The following SOS2 variants were observed in gnomAD, a reference collection of about 807,000 sequenced individuals.
SOS2 encodes the protein son of sevenless homolog 2.
Under a neutral mutation model 148.2 loss-of-function variants are expected in SOS2, and 65 were observed. The observed-to-expected ratio is 0.44, with a 90% CI of 0.36 to 0.54. The LOEUF (loss-of-function observed/expected upper bound fraction) is 0.54. Among genes scored for constraint, SOS2 ranks in the 20% least tolerant of loss-of-function variants. The pLI is 0.00. For synonymous variants in SOS2, 539 were observed against 537.1 expected (o/e 1.00, Z -0.05); for missense variants, 1,341 against 1,590.2 (o/e 0.84, Z 2.67).
At chr14:50,119,340 T>C (rs1883419154) in intron 22 of SOS2, among the ~76,000 whole-genome samples, 1 of 152,138 alleles carries the variant, frequency 6.6e-6, no homozygotes, top group African/African-American at 2.4e-5. Context: ...CATCCTAGAC[T>C]ACTGAATCAG....
At position 50,201,067 on chromosome 14, in the gene SOS2, G is replaced by A. The variant is rs1172266595; in HGVS notation, c.231C>T (p.Thr77=). 6.2e-7 allele frequency: 1 copy of A among 1,613,808 alleles called. No individual in the cohort carries two copies. Residue 77 remains threonine (T), a synonymous_variant, in exon 3 of 23, where the codon ACC becomes ACT. Transcript: ENST00000216373. The part of the protein sequence containing the change: ...VQDVEERVQK[T]FPHPIDKWAI... ...CCCATTTATCAATTGGGTGAGGAAA[G>A]GTCTTCTGAACTCGCTCCTGCTCAA...
At chr14:50,198,562 G>A (rs181333302) in intron 4 of SOS2, among the ~76,000 whole-genome samples, 1 of 152,308 alleles carries the variant, frequency 6.6e-6, no homozygotes, top group East Asian at 1.9e-4. Flanking sequence ...ATCTCTGGGG[G>A]TGATATGCAG....
In SOS2 at chr14:50,157,091, G is replaced by C. The variant is rs763672521; in HGVS notation, c.1965C>G (p.Asp655Glu). Residue 655 changes from aspartate (D) to glutamate (E), a missense_variant, in exon 12 of 23, where the codon GAC becomes GAG. Asp to Glu is a conservative substitution (Grantham distance 45). Coordinates refer to ENST00000216373, the MANE Select transcript of SOS2 (RefSeq NM_006939.4). ...CTTTCTCTATTGCCAATTTGTCTGCGTCAGTAGGTTCTGGCTCTGGAATTT... is the reference window on the plus strand; with the variant it reads ...CTTTCTCTATTGCCAATTTGTCTGCCTCAGTAGGTTCTGGCTCTGGAATTT... ...RFEIPEPEPTDADKLAIEKGE... is the reference protein window; with the variant it reads ...RFEIPEPEPTEADKLAIEKGE... 6.2e-7 allele frequency: 1 copy of C among 1,612,146 alleles called. No homozygotes were observed. Among genetic ancestry groups the C allele is most frequent in the Non-Finnish European group, 8.5e-7 (1 of 1,178,746 alleles).
intron 4 of SOS2, among the ~76,000 whole-genome samples, chr14:50,192,724 C>A (rs1312548214): frequency 6.6e-6 from 1 of 151,906 alleles, no homozygotes; most frequent in Non-Finnish European, 1.5e-5. Context: ...ATTAGCCAGG[C>A]GTGGTGGCAA....
chr14:50,200,182 C>T (rs1886443373), intron 3 of SOS2, among the ~76,000 whole-genome samples: 1 of 152,014 alleles, frequency 6.6e-6, no homozygotes, highest in South Asian at 2.1e-4. Flanking sequence ...TATCTGCTAT[C>T]TTCAAGGACT....
At chr14:50,132,648 G>C (rs943420721) in intron 19 of SOS2, among the ~76,000 whole-genome samples, 5 of 152,002 alleles carry the variant, frequency 3.3e-5, no homozygotes, top group African/African-American at 1.2e-4. Flanking sequence ...GTGACAGAGC[G>C]AGACTCTGTC....
At chr14:50,168,419 A>G (rs1320241650) in intron 8 of SOS2, among the ~76,000 whole-genome samples, 1 of 152,036 alleles carries the variant, frequency 6.6e-6, no homozygotes, top group Non-Finnish European at 1.5e-5. Context: ...ATGAGGTCTC[A>G]CTATATTGCC....
chr14:50,187,195 A>G (rs1885940821), intron 5 of SOS2, among the ~76,000 whole-genome samples: 1 of 151,974 alleles, frequency 6.6e-6, no homozygotes, highest in Admixed American at 6.6e-5. Context: ...ATTTTTTTGT[A>G]GAGACTGGGT....
chr14:50,164,738 G>A (rs1262904374), intron 8 of SOS2, among the ~76,000 whole-genome samples: 2 of 152,108 alleles, frequency 1.3e-5, no homozygotes, highest in Non-Finnish European at 2.9e-5. Flanking sequence ...AACAGTCTCT[G>A]ACCTCCTTAT....
intron 1 of SOS2, among the ~76,000 whole-genome samples, chr14:50,215,887 T>C (rs1007170722): frequency 1.3e-5 from 2 of 152,240 alleles, no homozygotes; most frequent in East Asian, 1.9e-4. Flanking sequence ...CACATTTAAA[T>C]TAAAAATCTT....
intron 4 of SOS2, among the ~76,000 whole-genome samples, chr14:50,197,454 GATAT>G (rs1886345946): frequency 6.6e-6 from 1 of 152,084 alleles, no homozygotes; most frequent in South Asian, 2.1e-4. Flanking sequence ...CAATTTCTAT[GATAT>G]TCCTGCTAAA....
intron 2 of SOS2, among the ~76,000 whole-genome samples, chr14:50,202,195 T>A (rs1349693763): frequency 6.6e-6 from 1 of 152,200 alleles, no homozygotes; most frequent in Non-Finnish European, 1.5e-5. Context: ...ATTCCTGGGC[T>A]CAAGTGATTG....
intron 13 of SOS2, among the ~76,000 whole-genome samples, chr14:50,152,766 G>A (rs1218637259): frequency 1.3e-5 from 2 of 152,036 alleles, no homozygotes; most frequent in Non-Finnish European, 2.9e-5. Flanking sequence ...ACACCAGGCT[G>A]GTCTTGTGGT....
Position 50,157,044 on chromosome 14 carries a change from T to C in SOS2, c.2012A>G (p.Asp671Gly). ...ATATTCCTTGCGAAATCTTTTAAGGTCTGCACTGATTGGCTGCTCGCCTTT... is the reference window on the plus strand; with the variant it reads ...ATATTCCTTGCGAAATCTTTTAAGGCCTGCACTGATTGGCTGCTCGCCTTT... ...IEKGEQPISA[D>G]LKRFRKEYVQ... The change falls in exon 12 of 23, where the codon GAC (aspartate) becomes GGC (glycine). Residue 671 changes from aspartate (D) to glycine (G), a missense_variant. Physicochemically the swap from Asp to Gly is moderately conservative, Grantham distance 94. Around this residue, in one of 4 missense-constraint regions of SOS2, gnomAD observed 408 missense variants for 506.6 expected, o/e 0.81. Transcript: ENST00000216373. The C allele has an allele frequency of 1.2e-6, 2 of 1,612,524 alleles. No individual in the cohort carries two copies. The highest frequency in any genetic ancestry group is 1.7e-6 in the Non-Finnish European group (2 of 1,179,118).
Position 50,150,094 on chromosome 14 carries a change from T to C in SOS2, c.2298A>G (p.Pro766=), listed in dbSNP as rs200109076. 1.2e-6 allele frequency: 2 copies of C among 1,613,826 alleles called. No homozygotes were observed. The highest frequency in any genetic ancestry group is 1.6e-4 in the Middle Eastern group (1 of 6,084). ...TGAGATCAAATGTTTCAAACTGTCC[T>C]GGTTTGCTGATATGCCATTCAATTG... ...PPPIEWHISK[P]GQFETFDLMT... is the part of the protein sequence containing the mutation. Residue 766 remains proline, a synonymous_variant, in exon 14 of 23, where the codon CCA becomes CCG. Transcript: ENST00000216373.
rs1443723446 is a variant in SOS2, at chr14:50,204,273, A to G, written c.213+11T>C. The G allele has an allele frequency of 1.3e-6, 2 of 1,550,948 alleles. No homozygotes were observed. Among genetic ancestry groups the G allele is most frequent in the Middle Eastern group, 1.7e-4 (1 of 5,856 alleles). ...TTGAGTGACTTTTTGAAATGACAAA[A>G]TAATTTTTACCTCTACATCTTGAAC... On this transcript the variant is annotated intron_variant, in intron 2 of 22. Coordinates refer to ENST00000216373, the MANE Select transcript of SOS2 (RefSeq NM_006939.4).
At position 50,150,544 on chromosome 14, in the gene SOS2, TTCTC is replaced by T. The variant is rs530620839; in HGVS notation, c.2162-318_2162-315del. Among the ~76,000 whole-genome samples, 117 of 150,270 alleles carry T rather than the reference TTCTC, an allele frequency of 7.8e-4. No homozygotes were observed. The South Asian group carries it at 0.013, about 17-fold the overall frequency. Reference sequence around the variant, plus strand: ...TGAAGTATTTTGTCACTGTTCACATTTCTCTCTCTGATTATTTTCCTTTTTTTTT... The same window carrying T: ...TGAAGTATTTTGTCACTGTTCACATTTCTCTGATTATTTTCCTTTTTTTTT... On this transcript the variant is annotated intron_variant, in intron 13 of 22. Coordinates refer to ENST00000216373, the MANE Select transcript of SOS2 (RefSeq NM_006939.4).
chr14:50,138,788 G>C lies in SOS2; in HGVS notation c.2786-4C>G. Reference sequence around the variant, plus strand: ...AGAATATTTGTTAAATATATTCCTAGTAAAAAAAAAAAAAGAATTTAAAGA... The same window carrying C: ...AGAATATTTGTTAAATATATTCCTACTAAAAAAAAAAAAAGAATTTAAAGA... On this transcript the variant is annotated splice_polypyrimidine_tract_variant and splice_region_variant and intron_variant, in intron 17 of 22. Coordinates refer to ENST00000216373, the MANE Select transcript of SOS2 (RefSeq NM_006939.4). The C allele has an allele frequency of 3.2e-6, 2 of 619,142 alleles. No homozygotes were observed. Among genetic ancestry groups the C allele is most frequent in the Non-Finnish European group, 4.8e-6 (2 of 413,210 alleles). The allele number at this position is 619,142 out of a possible 1,614,324, so 38.4% of individuals were successfully genotyped here. A position where few individuals can be genotyped will look rare whatever the true frequency, so the allele number is the denominator to read the frequency against.
intron 13 of SOS2, 86 bp downstream of exon 13, chr14:50,152,984 A>G: frequency 1.5e-6 from 1 of 662,034 alleles, no homozygotes; most frequent in East Asian, 2.7e-5. Context: ...AAAGAGAGAG[A>G]AATGTTTTAG....
Sources: gnomAD v4.1 joint callset for allele counts (sites outside exome capture counted in the v4.1 genomes callset) on GRCh38, gnomAD v4.1.1 for gene constraint, gnomAD v4.1.1 regional missense constraint, MANE v1.5 for transcripts, NCBI Gene and HGNC (gene_info 2026-07-23, HGNC 2026-07-21) for gene names.